GMEB1: variants seen among roughly 807,000 people sequenced by gnomAD.
GMEB1 encodes glucocorticoid modulatory element binding protein 1.
Under a neutral mutation model 52.4 loss-of-function variants are expected in GMEB1, and 6 were observed. The ratio of observed to expected loss-of-function variants is 0.11; its 90% CI spans 0.06 to 0.23. GMEB1 has a LOEUF of 0.23. Among genes scored for constraint, GMEB1 ranks in the 10% least tolerant of loss-of-function variants. The pLI, the probability that GMEB1 is intolerant of heterozygous loss-of-function variation, is 1.00. For synonymous variants in GMEB1, 255 were observed against 244.9 expected, an observed-to-expected ratio of 1.04 and a Z score of -0.38; for missense variants, 486 against 685.6, an observed-to-expected ratio of 0.71 and a Z score of 3.25.
intron 2 of GMEB1, among the ~76,000 whole-genome samples, chr1:28,685,963 C>A (rs1169879525): frequency 6.6e-6 from 1 of 152,044 alleles, no homozygotes; most frequent in Non-Finnish European, 1.5e-5. Flanking sequence ...CGTCTCAAAA[C>A]AAACAAACAA....
At position 28,714,327 on chromosome 1, in the gene GMEB1, A is replaced by G; in HGVS notation, c.1246A>G (p.Thr416Ala). 2 of 1,614,108 alleles carry G rather than the reference A, an allele frequency of 1.2e-6. No individual in the cohort carries two copies. Among genetic ancestry groups the G allele is most frequent in the Non-Finnish European group, 1.7e-6 (2 of 1,180,018 alleles). ...SFSMGNIPVA[T>A]LSQGSSPVTV... ...TTCCATGGGCAATATTCCAGTGGCC[A>G]CCCTCAGCCAGGGCTCCAGTCCTGT... The change falls in exon 10 of 10, where the codon ACC becomes GCC. Residue 416 changes from threonine to alanine, a missense_variant. By Grantham distance (58) the Thr-to-Ala change is moderately conservative. Around this residue, in one of 5 missense-constraint regions of GMEB1, gnomAD observed 153 missense variants for 200.8 expected, o/e 0.76. Coordinates refer to ENST00000373816, the MANE Select transcript of GMEB1 (RefSeq NM_001319674.2).
At chr1:28,670,558 C>T (rs562594702) in intron 1 of GMEB1, among the ~76,000 whole-genome samples, 4 of 152,090 alleles carry the variant, frequency 2.6e-5, no homozygotes, top group Admixed American at 6.6e-5. Context: ...GAACTCCCAA[C>T]CTCAGGTGAT....
intron 8 of GMEB1, 91 bp downstream of exon 8, chr1:28,704,420 T>C: frequency 1.1e-6 from 1 of 932,016 alleles, no homozygotes; most frequent in Non-Finnish European, 1.5e-6. Flanking sequence ...CCCTGATGTA[T>C]AGGTATTATT....
At chr1:28,707,030 T>G (rs534656383) in intron 8 of GMEB1, among the ~76,000 whole-genome samples, 2 of 136,386 alleles carry the variant, frequency 1.5e-5, no homozygotes, top group Admixed American at 1.6e-4. Flanking sequence ...TCTCCCAGGC[T>G]GGAGTGCAGT....
intron 9 of GMEB1, among the ~76,000 whole-genome samples, chr1:28,712,099 T>C (rs1671085346): frequency 6.6e-6 from 1 of 152,184 alleles, no homozygotes; most frequent in Non-Finnish European, 1.5e-5. Context: ...CCTTCTTGCG[T>C]TTGATTAATT....
chr1:28,682,008 C>G (rs1468050556), intron 1 of GMEB1, among the ~76,000 whole-genome samples: 1 of 151,958 alleles, frequency 6.6e-6, no homozygotes, highest in South Asian at 2.1e-4. Flanking sequence ...ACGGCCCTGA[C>G]TACACGTTTT....
chr1:28,713,947 T>G (rs1007837959), intron 9 of GMEB1, 126 bp from the exon 10 acceptor site: 5 of 703,908 alleles, frequency 7.1e-6, no homozygotes, highest in Non-Finnish European at 1.2e-5. Flanking sequence ...AAGAAAACAA[T>G]GTCACAACTT....
At chr1:28,669,165 G>A (rs1402598156) in intron 1 of GMEB1, among the ~76,000 whole-genome samples, 2 of 151,364 alleles carry the variant, frequency 1.3e-5, no homozygotes, top group Non-Finnish European at 3.0e-5. Flanking sequence ...CACTGGGGGG[G>A]CCCCGGCGCC....
chr1:28,687,387 C>CACACACACAA (rs1553136455), intron 2 of GMEB1, among the ~76,000 whole-genome samples: 3 of 41,118 alleles, frequency 7.3e-5, no homozygotes, highest in African/African-American at 2.9e-4. Context: ...CACACACACA[C>CACACACACAA]AAAAAAAGAC....
intron 6 of GMEB1, among the ~76,000 whole-genome samples, chr1:28,701,256 T>A (rs1250293911): frequency 2.0e-5 from 3 of 147,962 alleles, no homozygotes; most frequent in Non-Finnish European, 4.5e-5. Flanking sequence ...ATTCTCTTTG[T>A]TTAAAAGCTG....
rs558010767 is a variant in GMEB1 at position 28,672,514 on chromosome 1, C to T, written c.-31+3675C>T. On this transcript the variant is annotated intron_variant, in intron 1 of 9. Coordinates refer to ENST00000373816, the MANE Select transcript of GMEB1 (RefSeq NM_001319674.2). ...CTGGGATTACAGGCTTGAGCCACCA[C>T]GCCCGGCCTACTTTTTTAAGTCCCC... 3.6e-4 allele frequency among the ~76,000 whole-genome samples: 54 copies of T among 151,816 alleles called. 1 individual carries two copies. The highest frequency in any genetic ancestry group is 1.3e-3 in the African/African-American group (52 of 41,442).
intron 6 of GMEB1, among the ~76,000 whole-genome samples, chr1:28,698,376 TAAAAA>T (rs879350824): frequency 7.3e-6 from 1 of 137,094 alleles, no homozygotes; most frequent in Non-Finnish European, 1.6e-5. Flanking sequence ...GACTCCGTCT[TAAAAA>T]AAAAAAAAAG....
intron 1 of GMEB1, among the ~76,000 whole-genome samples, chr1:28,669,937 G>C (rs1278067663): frequency 1.3e-5 from 2 of 152,150 alleles, no homozygotes; most frequent in Non-Finnish European, 2.9e-5. Context: ...TCTTGACCTA[G>C]ACAGCAGAGC....
intron 5 of GMEB1, among the ~76,000 whole-genome samples, chr1:28,696,223 T>C (rs1670202280): frequency 6.6e-6 from 1 of 151,862 alleles, no homozygotes; most frequent in Non-Finnish European, 1.5e-5. Context: ...TCAGCTACCA[T>C]GCCTGGCTGA....
At chr1:28,713,333 T>TA (rs1341411780) in intron 9 of GMEB1, among the ~76,000 whole-genome samples, 1 of 152,188 alleles carries the variant, frequency 6.6e-6, no homozygotes, top group Non-Finnish European at 1.5e-5. Context: ...GCTTATCAGG[T>TA]ACTAAGTAAT....
chr1:28,672,964 C>T (rs1439147563), intron 1 of GMEB1, among the ~76,000 whole-genome samples: 8 of 151,852 alleles, frequency 5.3e-5, no homozygotes, highest in Admixed American at 1.3e-4. Flanking sequence ...GGCGCGATCT[C>T]GGCTCAGCGC....
At chr1:28,700,803 C>T (rs1557515667) in intron 6 of GMEB1, among the ~76,000 whole-genome samples, 1 of 151,944 alleles carries the variant, frequency 6.6e-6, no homozygotes, top group Admixed American at 6.6e-5. Flanking sequence ...AAATATCTGG[C>T]GGTTTGAATA....
chr1:28,714,872 T>TA lies in GMEB1; in HGVS notation c.*99_*100insA, dbSNP rs1182747141. The TA allele has an allele frequency of 1.1e-4, 92 of 811,824 alleles. No individual in the cohort carries two copies. The highest frequency in any genetic ancestry group is 7.3e-4 in the Middle Eastern group (2 of 2,730). 50.3% of individuals were successfully genotyped at this position (811,824 alleles called of 1,614,324 possible). On this transcript the variant is annotated 3_prime_UTR_variant, in exon 10 of 10. Coordinates refer to ENST00000373816, the MANE Select transcript of GMEB1 (RefSeq NM_001319674.2). ...ACTCATTTCCACATAGGACCCTTTT[T>TA]TAAAAAAAAAAAAACAAAATCTTAT...
intron 1 of GMEB1, among the ~76,000 whole-genome samples, chr1:28,681,570 A>G (rs1472785789): frequency 1.3e-5 from 2 of 152,150 alleles, no homozygotes. Context: ...TTCTTGGGGT[A>G]TGATAGTTGC....
Sources: allele counts gnomAD v4.1 joint callset (sites outside exome capture counted in the v4.1 genomes callset), GRCh38; gene constraint gnomAD v4.1.1; regional missense constraint gnomAD v4.1.1; transcripts MANE v1.5; gene names NCBI Gene and HGNC (gene_info 2026-07-23, HGNC 2026-07-21).